FAT4: variants seen among roughly 807,000 people sequenced by gnomAD.
The protein encoded by FAT4 is protocadherin Fat 4.
A neutral mutation model predicts 303.9 loss-of-function variants in FAT4; 84 were observed. The ratio of observed to expected loss-of-function variants is 0.28; its 90% CI spans 0.23 to 0.33. The LOEUF (loss-of-function observed/expected upper bound fraction) is 0.33, where lower values mean the gene tolerates loss of function less well. FAT4 is among the 10% of genes least tolerant of loss of function. The pLI is 1.00. For synonymous variants in FAT4, 2,307 were observed against 2,298.8 expected, an observed-to-expected ratio of 1.00 and a Z score of -0.10; for missense variants, 6,005 against 6,146.8, an observed-to-expected ratio of 0.98 and a Z score of 0.77.
chr4:125,461,245 T>C (rs1726472085), intron 10 of FAT4, among the ~76,000 whole-genome samples: 1 of 152,070 alleles, frequency 6.6e-6, no homozygotes, highest in Non-Finnish European at 1.5e-5. Flanking sequence ...TTGATTCATA[T>C]AATTATACAC....
chr4:125,329,642 C>T (rs1731298114), intron 2 of FAT4, among the ~76,000 whole-genome samples: 1 of 152,106 alleles, frequency 6.6e-6, no homozygotes, highest in Non-Finnish European at 1.5e-5. Context: ...ATTTTGCCTC[C>T]AGCCCATATG....
At position 125,491,647 on chromosome 4, in the gene FAT4, A is replaced by G. The variant is rs758689576; in HGVS notation, c.14831A>G (p.His4944Arg). 2 of 1,614,188 alleles carry G rather than the reference A, an allele frequency of 1.2e-6. No homozygotes were observed. Among genetic ancestry groups the G allele is most frequent in the South Asian group, 2.2e-5 (2 of 91,084 alleles). The stretch of plus-strand genomic sequence containing the variant: ...TTGAACTGGGGCCCTGGCTTTGGCC[A>G]TTATGTAGATGTTTTTAAAGATTTG... ...NLLNWGPGFGHYVDVFKDLAS... is the reference protein window; with the variant it reads ...NLLNWGPGFGRYVDVFKDLAS... The change falls in exon 18 of 18, where the codon CAT becomes CGT. Residue 4944 changes from histidine to arginine, a missense_variant. Coordinates refer to ENST00000394329, the MANE Select transcript of FAT4 (RefSeq NM_001291303.3).
At chr4:125,337,918 T>G (rs1371059462) in intron 2 of FAT4, among the ~76,000 whole-genome samples, 1 of 152,142 alleles carries the variant, frequency 6.6e-6, no homozygotes, top group African/African-American at 2.4e-5. Flanking sequence ...GTTGCCTCTT[T>G]TGTGAAATCT....
chr4:125,352,633 G>A (rs1441601421), intron 2 of FAT4, among the ~76,000 whole-genome samples: 1 of 151,732 alleles, frequency 6.6e-6, no homozygotes, highest in Non-Finnish European at 1.5e-5. Context: ...ACATCACAAT[G>A]AGGACATTTA....
In FAT4 at chr4:125,319,463, G is replaced by A; in HGVS notation, c.3052G>A (p.Val1018Ile). Reference protein sequence around the residue: ...SEPVNSRFFKVQASDKDSGAN... With the variant: ...SEPVNSRFFKIQASDKDSGAN... ...ACCTGTGAATTCTCGATTCTTTAAA[G>A]TACAAGCTTCTGATAAGGATTCAGG... The change falls in exon 2 of 18, where the codon GTA becomes ATA. Residue 1018 changes from valine to isoleucine, a missense_variant. Val to Ile is a conservative substitution (Grantham distance 29). Transcript: ENST00000394329. 6.2e-7 allele frequency: 1 copy of A among 1,613,688 alleles called. No homozygotes were observed. Among genetic ancestry groups the A allele is most frequent in the Non-Finnish European group, 8.5e-7 (1 of 1,179,660 alleles).
rs535333070 is a variant in FAT4 at position 125,319,926 on chromosome 4, C to G, written c.3515C>G (p.Thr1172Ser). The part of the protein sequence containing the change: ...DRESLMRRRG[T>S]AVFSFTVIAT... ...GAGTCTCTTATGAGGCGGAGAGGGA[C>G]TGCTGTGTTTAGCTTTACAGTCATA... Residue 1172 changes from threonine to serine, a missense_variant, in exon 2 of 18, where the codon ACT becomes AGT. Transcript: ENST00000394329. The G allele has an allele frequency of 1.2e-6, 2 of 1,613,832 alleles. No homozygotes were observed. Among genetic ancestry groups the G allele is most frequent in the East Asian group, 2.2e-5 (1 of 44,880 alleles).
Position 125,452,796 on chromosome 4 carries a change from A to G in FAT4, c.11786A>G (p.Lys3929Arg). 1.2e-6 allele frequency: 2 copies of G among 1,611,646 alleles called. No homozygotes were observed. The highest frequency in any genetic ancestry group is 2.2e-5 in the South Asian group (2 of 90,788). Residue 3929 changes from lysine (K) to arginine (R), a missense_variant, in exon 10 of 18, where the codon AAA becomes AGA. Lys to Arg is a conservative substitution (Grantham distance 26). Transcript: ENST00000394329. ...CCAGGAAGCTTCAACTGTGTTTGCA[A>G]AACTGGATACACAGGTATGACAACG... ...NFPGSFNCVCKTGYTGKMCES... is the reference protein window; with the variant it reads ...NFPGSFNCVCRTGYTGKMCES...
intron 7 of FAT4, among the ~76,000 whole-genome samples, chr4:125,422,462 A>G (rs1170340352): frequency 2.6e-5 from 4 of 152,122 alleles, no homozygotes; most frequent in Admixed American, 6.5e-5. Flanking sequence ...TGTTCTCCTG[A>G]TAGTGAGTGA....
At chr4:125,338,658 A>T (rs1731663097) in intron 2 of FAT4, among the ~76,000 whole-genome samples, 2 of 152,186 alleles carry the variant, frequency 1.3e-5, no homozygotes, top group Admixed American at 1.3e-4. Flanking sequence ...GATTGCTGTG[A>T]TGAAAAAGTT....
intron 8 of FAT4, among the ~76,000 whole-genome samples, chr4:125,442,925 T>C (rs760334653): frequency 5.5e-4 from 74 of 134,872 alleles, no homozygotes; most frequent in Non-Finnish European, 6.4e-4. Flanking sequence ...ATACAAAATA[T>C]TTTTAATAGT....
Position 125,452,201 on chromosome 4 carries a change from C to T in FAT4, c.11191C>T (p.His3731Tyr). The T allele has an allele frequency of 6.2e-7, 1 of 1,614,216 alleles. No homozygotes were observed. Among genetic ancestry groups the T allele is most frequent in the Non-Finnish European group, 8.5e-7 (1 of 1,180,032 alleles). ...VPTVKDFLTN[H>Y]YLHFLRIASS... is the part of the protein sequence containing the mutation. ...AACAGTAAAGGACTTCTTGACCAAC[C>T]ACTATCTTCATTTTTTACGCATTGC... The change falls in exon 10 of 18, where the codon CAC (histidine) becomes TAC (tyrosine). Residue 3731 changes from histidine to tyrosine, a missense_variant. Coordinates refer to ENST00000394329, the MANE Select transcript of FAT4 (RefSeq NM_001291303.3).
intron 11 of FAT4, among the ~76,000 whole-genome samples, chr4:125,465,224 A>G (rs1354710): frequency 0.23 from 34,249 of 152,128 alleles, 4,675 homozygotes; most frequent in East Asian, 0.42. Context: ...TATGACATTC[A>G]CAGAACCCCT....
intron 7 of FAT4, among the ~76,000 whole-genome samples, chr4:125,421,894 A>G (rs1724914738): frequency 6.6e-6 from 1 of 152,196 alleles, no homozygotes; most frequent in Admixed American, 6.5e-5. Flanking sequence ...CATCCATATC[A>G]TATTTATTAA....
chr4:125,348,992 A>T (rs1035080339), intron 2 of FAT4, among the ~76,000 whole-genome samples: 1 of 151,764 alleles, frequency 6.6e-6, no homozygotes, highest in Non-Finnish European at 1.5e-5. Context: ...CATATAAGAA[A>T]TAATGAATCT....
At chr4:125,444,977 A>G (rs1725778919) in intron 8 of FAT4, among the ~76,000 whole-genome samples, 1 of 152,122 alleles carries the variant, frequency 6.6e-6, no homozygotes, top group South Asian at 2.1e-4. Flanking sequence ...TTATATTTTG[A>G]TAAAGAGAAT....
rs1056301370 is a variant in FAT4, at chr4:125,434,200, T to A, written c.7019-45T>A. 4.5e-6 allele frequency: 7 copies of A among 1,564,598 alleles called. No homozygotes were observed. The East Asian group carries it at 1.6e-4, about 35-fold the overall frequency. On this transcript the variant is annotated intron_variant, in intron 7 of 17. Coordinates refer to ENST00000394329, the MANE Select transcript of FAT4 (RefSeq NM_001291303.3). ...CAGCTAATTTTTGTTAAATTTGTTATTTTTTGTTTATAAACATTGAGACTT... is the reference window on the plus strand; with the variant it reads ...CAGCTAATTTTTGTTAAATTTGTTAATTTTTGTTTATAAACATTGAGACTT...
At chr4:125,323,496 A>G (rs1232575297) in intron 2 of FAT4, among the ~76,000 whole-genome samples, 3 of 152,126 alleles carry the variant, frequency 2.0e-5, no homozygotes, top group Non-Finnish European at 4.4e-5. Flanking sequence ...TCTGGGGAGA[A>G]TTCAATGTGA....
At chr4:125,419,767 C>T (rs1384475137) in intron 7 of FAT4, among the ~76,000 whole-genome samples, 1 of 152,144 alleles carries the variant, frequency 6.6e-6, no homozygotes, top group Non-Finnish European at 1.5e-5. Context: ...CCTGTCAGTT[C>T]TGCATTTAGT....
intron 3 of FAT4, among the ~76,000 whole-genome samples, chr4:125,399,549 C>A (rs1225974167): frequency 6.6e-6 from 1 of 151,824 alleles, no homozygotes; most frequent in African/African-American, 2.4e-5. Flanking sequence ...TAAGCCAAGC[C>A]GAACACAGAA....
Sources: allele counts gnomAD v4.1 joint callset (sites outside exome capture counted in the v4.1 genomes callset), GRCh38; gene constraint gnomAD v4.1.1; transcripts MANE v1.5; gene names NCBI Gene and HGNC (gene_info 2026-07-23, HGNC 2026-07-21).